The following ITGBL1 variants were observed in gnomAD, a reference collection of about 807,000 sequenced individuals.
ITGBL1 encodes the protein integrin subunit beta like 1.
ITGBL1 carries 51 observed loss-of-function variants against 68.5 expected under a neutral mutation model. The observed-to-expected ratio is 0.74, with a 90% CI of 0.59 to 0.94. The LOEUF (loss-of-function observed/expected upper bound fraction) is 0.94, where lower values mean the gene tolerates loss of function less well. Ranked by LOEUF, ITGBL1 falls within the 40% of genes least tolerant of loss-of-function variation. The probability of loss-of-function intolerance (pLI) is 0.00; values close to 1 mark genes in which losing one functional copy is unlikely to be tolerated. For synonymous variants in ITGBL1, 209 were observed against 227.3 expected, an observed-to-expected ratio of 0.92 and a Z score of 0.72; for missense variants, 649 against 647.4, an observed-to-expected ratio of 1.00 and a Z score of -0.03.
At position 101,671,441 on chromosome 13, in the gene ITGBL1, T is replaced by TGTTG. The variant is rs1220142097; in HGVS notation, c.1016-21144_1016-21143insGTTG. Among the ~76,000 whole-genome samples, 53 of 91,818 alleles carry TGTTG rather than the reference T, an allele frequency of 5.8e-4. 3 individuals carry two copies. The highest frequency in any genetic ancestry group is 5.3e-3 in the East Asian group (11 of 2,070). 60.2% of individuals were successfully genotyped at this position (91,818 alleles called of 152,430 possible). On this transcript the variant is annotated intron_variant, in intron 7 of 10. Coordinates refer to ENST00000376180, the MANE Select transcript of ITGBL1 (RefSeq NM_004791.3). ...GTATACCTTTGTTTTTTTTTTGTTT[T>TGTTG]TTTTTGTTTTTTTTTGAGACGGAGT... is the stretch of plus-strand genomic sequence containing the variant.
chr13:101,604,879 T>TACACACACACAC (rs1307529776), intron 7 of ITGBL1, among the ~76,000 whole-genome samples: 1 of 13,314 alleles, frequency 7.5e-5, no homozygotes, highest in African/African-American at 1.8e-4. Flanking sequence ...TATATATATA[T>TACACACACACAC]ATATATATAC....
intron 6 of ITGBL1, among the ~76,000 whole-genome samples, chr13:101,591,698 A>G (rs1018555453): frequency 1.3e-5 from 2 of 152,222 alleles, no homozygotes; most frequent in African/African-American, 2.4e-5. Context: ...ATTGGATGAT[A>G]TACATTAATA....
At chr13:101,606,906 T>G (rs2030893356) in intron 7 of ITGBL1, among the ~76,000 whole-genome samples, 1 of 152,050 alleles carries the variant, frequency 6.6e-6, no homozygotes, top group Non-Finnish European at 1.5e-5. Flanking sequence ...GTAGGGAATG[T>G]GGTTAAGCCA....
At chr13:101,688,583 C>A (rs2033809630) in intron 7 of ITGBL1, among the ~76,000 whole-genome samples, 1 of 152,142 alleles carries the variant, frequency 6.6e-6, no homozygotes, top group Non-Finnish European at 1.5e-5. Context: ...ATGGGGCCAT[C>A]AGAGGGATTT....
At chr13:101,689,211 T>TAAAAAAAAAAAAAAAAAAAAATAAAA in intron 7 of ITGBL1, among the ~76,000 whole-genome samples, 1 of 74,872 alleles carries the variant, frequency 1.3e-5, no homozygotes, top group Non-Finnish European at 2.6e-5. Flanking sequence ...AGACTCTGCC[T>TAAAAAAAAAAAAAAAAAAAAATAAAA]AAAAAAAAAA....
chr13:101,624,298 G>A (rs543125070), intron 7 of ITGBL1, among the ~76,000 whole-genome samples: 9 of 152,254 alleles, frequency 5.9e-5, no homozygotes, highest in East Asian at 5.8e-4. Flanking sequence ...AGCAAACACC[G>A]TTACTTCCTG....
chr13:101,609,178 G>A (rs1181344672), intron 7 of ITGBL1, among the ~76,000 whole-genome samples: 1 of 152,020 alleles, frequency 6.6e-6, no homozygotes, highest in East Asian at 1.9e-4. Context: ...ATCTTAAACT[G>A]TATATGCATC....
At chr13:101,658,247 A>T (rs866111797) in intron 7 of ITGBL1, among the ~76,000 whole-genome samples, 1 of 152,238 alleles carries the variant, frequency 6.6e-6, no homozygotes, top group African/African-American at 2.4e-5. Flanking sequence ...TAATTAAAAT[A>T]AATCATTTTC....
intron 7 of ITGBL1, among the ~76,000 whole-genome samples, chr13:101,626,992 G>A (rs1566764066): frequency 6.6e-6 from 1 of 152,148 alleles, no homozygotes; most frequent in Non-Finnish European, 1.5e-5. Context: ...GACACTTATA[G>A]GCTGTATGAC....
At chr13:101,570,462 G>T (rs1171187312) in intron 3 of ITGBL1, among the ~76,000 whole-genome samples, 1 of 152,124 alleles carries the variant, frequency 6.6e-6, no homozygotes, top group Admixed American at 6.6e-5. Flanking sequence ...AATAAAAATT[G>T]TGGGCACAGG....
intron 7 of ITGBL1, among the ~76,000 whole-genome samples, chr13:101,634,089 TA>T (rs2032083064): frequency 6.6e-6 from 1 of 152,202 alleles, no homozygotes; most frequent in South Asian, 2.1e-4. Flanking sequence ...TGGGCAGAAT[TA>T]ATGCAATTAT....
At chr13:101,534,727 A>G (rs2049541829) in intron 2 of ITGBL1, among the ~76,000 whole-genome samples, 1 of 152,160 alleles carries the variant, frequency 6.6e-6, no homozygotes, top group South Asian at 2.1e-4. Flanking sequence ...AGTTGAAAGA[A>G]GGTGTTGGAG....
chr13:101,601,278 G>A (rs2030360613), intron 7 of ITGBL1, among the ~76,000 whole-genome samples: 1 of 152,114 alleles, frequency 6.6e-6, no homozygotes, highest in Admixed American at 6.6e-5. Context: ...GATTGGTGGT[G>A]ATATCCCCTT....
intron 9 of ITGBL1, among the ~76,000 whole-genome samples, chr13:101,708,026 AACACACACACACACACACACAC>A (rs3062945): frequency 6.9e-5 from 10 of 144,338 alleles, no homozygotes; most frequent in African/African-American, 2.6e-4. Context: ...CACACATGCA[AACACACACACACACACACACAC>A]ACACACACAC....
chr13:101,583,429 AGCAATTAG>A, intron 6 of ITGBL1, 73 bp downstream of exon 6: 16 of 1,083,436 alleles, frequency 1.5e-5, no homozygotes, highest in Non-Finnish European at 2.1e-5. Flanking sequence ...AAAAAAAAAA[AGCAATTAG>A]AAAGAATAAA....
intron 2 of ITGBL1, among the ~76,000 whole-genome samples, chr13:101,557,265 A>T (rs928500243): frequency 6.6e-6 from 1 of 152,250 alleles, no homozygotes. Context: ...GGCATGTTAA[A>T]TATCATCTCA....
intron 2 of ITGBL1, among the ~76,000 whole-genome samples, chr13:101,528,020 T>C (rs1455003586): frequency 2.0e-5 from 3 of 149,768 alleles, no homozygotes; most frequent in Non-Finnish European, 3.0e-5. Flanking sequence ...ATGGTTTTGC[T>C]AAAATCCAAT....
intron 6 of ITGBL1, among the ~76,000 whole-genome samples, chr13:101,587,464 T>C (rs1283923802): frequency 6.6e-6 from 1 of 152,176 alleles, no homozygotes; most frequent in Non-Finnish European, 1.5e-5. Context: ...AGGGCATGAA[T>C]GGGCATCCTG....
intron 8 of ITGBL1, among the ~76,000 whole-genome samples, chr13:101,695,370 A>T (rs1030534922): frequency 6.6e-6 from 1 of 151,946 alleles, no homozygotes; most frequent in Non-Finnish European, 1.5e-5. Flanking sequence ...CCAGAGAAAA[A>T]CCCTGTGTGA....
Sources: allele counts gnomAD v4.1 joint callset (sites outside exome capture counted in the v4.1 genomes callset), GRCh38; gene constraint gnomAD v4.1.1; transcripts MANE v1.5; gene names NCBI Gene and HGNC (gene_info 2026-07-23, HGNC 2026-07-21).